TNRC6A: variants seen among roughly 807,000 people sequenced by gnomAD.
TNRC6A encodes the protein trinucleotide repeat-containing gene 6A protein.
TNRC6A carries 44 observed loss-of-function variants against 221.2 expected under a neutral mutation model. That is an observed-to-expected ratio of 0.20 (90% CI 0.16 to 0.26). The LOEUF is 0.26. Among genes scored for constraint, TNRC6A ranks in the 10% least tolerant of loss-of-function variants. TNRC6A has a pLI of 1.00. For synonymous variants in TNRC6A, 847 were observed against 838.5 expected (o/e 1.01, Z -0.18); for missense variants, 2,199 against 2,404.4 (o/e 0.91, Z 1.79).
rs1019023472 is a variant in TNRC6A, at chr16:24,760,436, G to A, written c.163+2076G>A. 3.0e-4 allele frequency among the ~76,000 whole-genome samples: 45 copies of A among 152,006 alleles called. 1 individual carries two copies. The highest frequency in any genetic ancestry group is 2.7e-3 in the Admixed American group (41 of 15,264). On this transcript the variant is annotated intron_variant, in intron 4 of 24. Transcript: ENST00000395799. The stretch of plus-strand genomic sequence containing the variant: ...AAATATGAACATATTTAGTCTTCTT[G>A]TTTTTAGATTTTTCCACGACTCTGT...
chr16:24,798,939 C>T lies in TNRC6A; in HGVS notation c.3694+973C>T, dbSNP rs191802232. On this transcript the variant is annotated intron_variant, in intron 11 of 24. Transcript: ENST00000395799. ...AGCATGCCCAAGAAAGAACCCCCTTCCTCTCACTATGGTGCCATGCCAGTA... is the reference window on the plus strand; with the variant it reads ...AGCATGCCCAAGAAAGAACCCCCTTTCTCTCACTATGGTGCCATGCCAGTA... 2.0e-5 allele frequency among the ~76,000 whole-genome samples: 3 copies of T among 152,342 alleles called. No homozygotes were observed. In the East Asian group the frequency reaches 5.8e-4, roughly 29 times the overall value.
rs371939834 is a variant in TNRC6A at position 24,648,472 on chromosome 16, G to A, written n.402+7463G>A. ...TTTTTAGTAGAGACGGGGTTTCACC[G>A]TGTTAGCCAGGATGGTCTCGATCTC... On this transcript the variant is annotated intron_variant and non_coding_transcript_variant, in intron 2 of 2. Coordinates refer to the TNRC6A transcript ENST00000566108. 8.2e-3 allele frequency among the ~76,000 whole-genome samples: 1,246 copies of A among 151,768 alleles called. 7 individuals are homozygous for A. Among genetic ancestry groups the A allele is most frequent in the Non-Finnish European group, 0.014 (930 of 67,904 alleles).
At chr16:24,745,621 C>T (rs1431227040) in intron 2 of TNRC6A, among the ~76,000 whole-genome samples, 1 of 152,068 alleles carries the variant, frequency 6.6e-6, no homozygotes, top group Non-Finnish European at 1.5e-5. Context: ...TTTTCTGTCT[C>T]CTAAAGCAAA....
chr16:24,770,736 A>T (rs1425941937), intron 4 of TNRC6A, among the ~76,000 whole-genome samples: 2 of 152,034 alleles, frequency 1.3e-5, no homozygotes, highest in Admixed American at 1.3e-4. Flanking sequence ...CTCTTTTCTC[A>T]CCTGTATGTT....
intron 2 of TNRC6A, among the ~76,000 whole-genome samples, chr16:24,713,774 G>A (rs2142333053): frequency 1.3e-5 from 2 of 152,178 alleles, no homozygotes; most frequent in Admixed American, 6.5e-5. Flanking sequence ...AGCCTCCTGA[G>A]TAGCTGGGAC....
intron 2 of TNRC6A, among the ~76,000 whole-genome samples, chr16:24,685,187 G>A (rs558824036): frequency 5.9e-5 from 9 of 152,260 alleles, no homozygotes; most frequent in Admixed American, 2.6e-4. Context: ...TCCGGGGCCC[G>A]ACATAGTGCT....
At chr16:24,750,860 T>C (rs1283653012) in intron 3 of TNRC6A, 47 bp downstream of exon 3, 2 of 1,376,980 alleles carry the variant, frequency 1.5e-6, no homozygotes, top group South Asian at 1.9e-5. Flanking sequence ...AAACATAGAA[T>C]TAAAAAAAAA....
intron 5 of TNRC6A, among the ~76,000 whole-genome samples, chr16:24,779,944 C>T (rs2057804373): frequency 6.6e-6 from 1 of 152,124 alleles, no homozygotes; most frequent in Non-Finnish European, 1.5e-5. Context: ...TGGGGCTGTG[C>T]CTCAGACACT....
chr16:24,821,236 A>G (rs1459651966), intron 22 of TNRC6A, among the ~76,000 whole-genome samples: 1 of 152,204 alleles, frequency 6.6e-6, no homozygotes, highest in East Asian at 1.9e-4. Context: ...GGCCGCAGAC[A>G]TCTGTCTGGA....
intron 2 of TNRC6A, among the ~76,000 whole-genome samples, chr16:24,666,128 A>T (rs556172757): frequency 1.3e-5 from 2 of 152,062 alleles, no homozygotes; most frequent in Non-Finnish European, 2.9e-5. Context: ...GAAGTTTGAG[A>T]CCAGCTGGGG....
chr16:24,724,687 T>A (rs1054785419), upstream of TNRC6A, among the ~76,000 whole-genome samples: 13 of 152,212 alleles, frequency 8.5e-5, no homozygotes, highest in Middle Eastern at 3.4e-3. Flanking sequence ...GAGGTTGCAG[T>A]GAGCCGAGAT....
chr16:24,648,501 ACCTCATGATTCACCCGCCTTGG>A (rs1304966355), intron 2 of TNRC6A, among the ~76,000 whole-genome samples: 1 of 151,622 alleles, frequency 6.6e-6, no homozygotes, highest in Non-Finnish European at 1.5e-5. Context: ...CGATCTCCTG[ACCTCATGATTCACCCGCCTTGG>A]CCTCCCAAAG....
chr16:24,631,022 G>GA (rs779255609), intron 1 of TNRC6A, among the ~76,000 whole-genome samples: 114 of 135,818 alleles, frequency 8.4e-4, no homozygotes, highest in Middle Eastern at 7.5e-3. Context: ...AGGGAAGAAA[G>GA]AAAAAAAAAA....
At chr16:24,687,849 A>C (rs8048969) in intron 2 of TNRC6A, among the ~76,000 whole-genome samples, 1 of 130,046 alleles carries the variant, frequency 7.7e-6, no homozygotes, top group Non-Finnish European at 1.6e-5. Context: ...AAGAGGAAGA[A>C]GAAGAAGAAG....
chr16:24,730,140 C>G, intron 1 of TNRC6A, 113 bp from the exon 2 acceptor site: 1 of 1,054,884 alleles, frequency 9.5e-7, no homozygotes, highest in Non-Finnish European at 1.3e-6. Flanking sequence ...GTCCTCTCCC[C>G]TCCCCCATCC....
intron 5 of TNRC6A, among the ~76,000 whole-genome samples, chr16:24,781,043 CTTTTTTTTTTTTTTTT>C (rs35502747): frequency 1.9e-5 from 1 of 53,426 alleles, no homozygotes; most frequent in Admixed American, 3.3e-4. Context: ...CCTCCATACT[CTTTTTTTTTTTTTTTT>C]TTTTTTTTTG....
intron 17 of TNRC6A, among the ~76,000 whole-genome samples, chr16:24,808,191 A>G (rs1208179761): frequency 2.0e-5 from 3 of 152,218 alleles, no homozygotes; most frequent in African/African-American, 7.2e-5. Flanking sequence ...CAGTGAAGGG[A>G]GCTGGCTCTT....
In TNRC6A at chr16:24,729,716, G is replaced by T; in HGVS notation, c.-126G>T. ...CGGCGGCGGCGGCGGCGGCGGCGGC[G>T]GCAGCGGGTCGGTGTAGAAAATGGC... On this transcript the variant is annotated 5_prime_UTR_variant, in exon 1 of 25. Transcript: ENST00000395799. 1 of 1,044,228 alleles carries T rather than the reference G, an allele frequency of 9.6e-7. No individual in the cohort carries two copies. The highest frequency in any genetic ancestry group is 1.2e-6 in the Non-Finnish European group (1 of 806,870). The allele number at this position is 1,044,228 out of a possible 1,614,324, so 64.7% of individuals were successfully genotyped here. A position where few individuals can be genotyped will look rare whatever the true frequency, so the allele number is the denominator to read the frequency against.
intron 2 of TNRC6A, among the ~76,000 whole-genome samples, chr16:24,669,143 T>C (rs901379692): frequency 1.3e-4 from 20 of 152,048 alleles, no homozygotes; most frequent in Admixed American, 1.0e-3. Context: ...AGGACTAAAA[T>C]AGAGAGGGGA....
Sources: allele counts gnomAD v4.1 joint callset (sites outside exome capture counted in the v4.1 genomes callset), GRCh38; gene constraint gnomAD v4.1.1; transcripts MANE v1.5; gene names NCBI Gene and HGNC (gene_info 2026-07-23, HGNC 2026-07-21).